Variants in SLC7A13 observed in about 807,000 individuals in gnomAD.
The protein encoded by SLC7A13 is solute carrier family 7 member 13, also known as X-amino acid transporter 2.
A neutral mutation model predicts 32.0 loss-of-function variants in SLC7A13; 31 were observed. The ratio of observed to expected loss-of-function variants is 0.97; its 90% CI spans 0.73 to 1.31. The LOEUF is 1.31. Ranked by LOEUF, SLC7A13 falls within the 50% of genes most tolerant of loss-of-function variation. The pLI is 0.00. For synonymous variants in SLC7A13, 232 were observed against 206.9 expected (o/e 1.12, Z -1.04); for missense variants, 633 against 546.9 (o/e 1.16, Z -1.57).
intron 3 of SLC7A13, 133 bp downstream of exon 3, chr8:86,217,337 A>C: frequency 1.2e-6 from 1 of 838,520 alleles, no homozygotes; most frequent in Non-Finnish European, 1.7e-6. Context: ...CCAAGACTAG[A>C]TTATTCTCAT....
In SLC7A13 at chr8:86,217,539, C is replaced by T; in HGVS notation, c.1110G>A (p.Trp370Ter). 1.2e-6 allele frequency: 2 copies of T among 1,610,670 alleles called. No individual in the cohort carries two copies. The highest frequency in any genetic ancestry group is 1.7e-6 in the Non-Finnish European group (2 of 1,178,060). Residue 370 changes from tryptophan (W) to a stop codon, truncating the protein, a stop_gained, in exon 3 of 4, where the codon TGG (tryptophan) becomes TGA (stop). Coordinates refer to ENST00000297524, the MANE Select transcript of SLC7A13 (RefSeq NM_138817.3). LOFTEE classifies it high-confidence loss of function. ...GTATTCCTATCATTAATAATATAGA[C>T]CATAATGAACCCGTGAAAAAAATAT... ...INYIFFTGSL[W>*]SILLMIGILR...
intron 3 of SLC7A13, among the ~76,000 whole-genome samples, chr8:86,216,808 G>A (rs1820188682): frequency 6.6e-6 from 1 of 152,108 alleles, no homozygotes; most frequent in Non-Finnish European, 1.5e-5. Context: ...TTATTACTAA[G>A]AGGATTAAAG....
intron 1 of SLC7A13, among the ~76,000 whole-genome samples, chr8:86,228,168 C>A (rs1022371815): frequency 6.6e-5 from 10 of 152,122 alleles, no homozygotes; most frequent in Admixed American, 5.9e-4. Context: ...CTGAGTGAAC[C>A]AAGAAGATGC....
intron 2 of SLC7A13, among the ~76,000 whole-genome samples, chr8:86,221,179 A>G (rs1820289840): frequency 6.6e-6 from 1 of 152,008 alleles, no homozygotes; most frequent in Non-Finnish European, 1.5e-5. Context: ...ATACATCCTG[A>G]CTTTTTCCTC....
intron 2 of SLC7A13, among the ~76,000 whole-genome samples, chr8:86,218,497 G>A (rs1820233125): frequency 6.6e-6 from 1 of 152,128 alleles, no homozygotes; most frequent in Non-Finnish European, 1.5e-5. Context: ...TTACAACCGG[G>A]GAGGTAGGAG....
At chr8:86,221,175 C>T (rs1256772211) in intron 2 of SLC7A13, among the ~76,000 whole-genome samples, 11 of 151,984 alleles carry the variant, frequency 7.2e-5, no homozygotes, top group Non-Finnish European at 4.4e-5. Context: ...TTATATACAT[C>T]CTGACTTTTT....
intron 1 of SLC7A13, among the ~76,000 whole-genome samples, chr8:86,228,175 A>T (rs1820420688): frequency 6.6e-6 from 1 of 152,164 alleles, no homozygotes; most frequent in Non-Finnish European, 1.5e-5. Flanking sequence ...AACCAAGAAG[A>T]TGCTGTTCCA....
intron 2 of SLC7A13, among the ~76,000 whole-genome samples, chr8:86,220,746 G>A (rs995549441): frequency 6.6e-6 from 1 of 152,038 alleles, no homozygotes; most frequent in African/African-American, 2.4e-5. Flanking sequence ...GCTCACGTCT[G>A]TAACCCCAGC....
Position 86,214,408 on chromosome 8 carries a change from G to A in SLC7A13, c.*5C>T, listed in dbSNP as rs781626269. ...CAATTTTTTAAGAGTTTGCACTTCC[G>A]ACATCTATTCCTCAGACACATCAGG... On this transcript the variant is annotated 3_prime_UTR_variant, in exon 4 of 4. Transcript: ENST00000297524. 43 of 1,148,856 alleles carry A rather than the reference G, an allele frequency of 3.7e-5. No individual in the cohort carries two copies. Among genetic ancestry groups the A allele is most frequent in the Admixed American group, 5.7e-5 (2 of 35,280 alleles). 71.2% of individuals were successfully genotyped at this position (1,148,856 alleles called of 1,614,324 possible).
chr8:86,217,887 A>G, intron 2 of SLC7A13, 56 bp from the exon 3 acceptor site: 1 of 1,459,640 alleles, frequency 6.9e-7, no homozygotes, highest in Non-Finnish European at 9.1e-7. Context: ...AATACTAATG[A>G]TAAACCTTTT....
rs1820449647 is a variant in SLC7A13, at chr8:86,229,727, C to G, written c.551G>C (p.Arg184Thr). Reference protein sequence around the residue: ...ISLTGVVFLIRGKKENVERFQ... With the variant: ...ISLTGVVFLITGKKENVERFQ... ...TCGTTCTACATTCTCCTTTTTCCCTCTTATCAGGAACACTACTCCAGTTAG... is the reference window on the plus strand; with the variant it reads ...TCGTTCTACATTCTCCTTTTTCCCTGTTATCAGGAACACTACTCCAGTTAG... Residue 184 changes from arginine (R) to threonine (T), a missense_variant, in exon 1 of 4, where the codon AGA (arginine) becomes ACA (threonine). Coordinates refer to ENST00000297524, the MANE Select transcript of SLC7A13 (RefSeq NM_138817.3). The G allele has an allele frequency of 6.2e-7, 1 of 1,614,028 alleles. No homozygotes were observed. Among genetic ancestry groups the G allele is most frequent in the Non-Finnish European group, 8.5e-7 (1 of 1,180,022 alleles).
At chr8:86,229,517 TACA>T (rs1820444931) in intron 1 of SLC7A13, 73 bp downstream of exon 1, 2 of 1,274,620 alleles carry the variant, frequency 1.6e-6, no homozygotes, top group East Asian at 4.7e-5. Flanking sequence ...AGACTCAAAA[TACA>T]ACAAATGATA....
chr8:86,217,382 C>T (rs1243153343), intron 3 of SLC7A13, 88 bp downstream of exon 3: 4 of 1,192,458 alleles, frequency 3.4e-6, no homozygotes, highest in Non-Finnish European at 4.5e-6. Flanking sequence ...AGAAGATCTA[C>T]TTATAGATGC....
chr8:86,222,847 GA>G, intron 2 of SLC7A13, 124 bp downstream of exon 2: 5 of 990,310 alleles, frequency 5.0e-6, no homozygotes, highest in Non-Finnish European at 6.9e-6. Context: ...TGTTATTTTA[GA>G]AAATTATAAG....
At chr8:86,228,683 CA>C (rs1403829877) in intron 1 of SLC7A13, among the ~76,000 whole-genome samples, 9 of 151,864 alleles carry the variant, frequency 5.9e-5, no homozygotes, top group Non-Finnish European at 1.3e-4. Flanking sequence ...CTGTCTCTAC[CA>C]AAAATGCAAA....
chr8:86,224,790 A>G (rs1349568690), intron 1 of SLC7A13, among the ~76,000 whole-genome samples: 1 of 152,246 alleles, frequency 6.6e-6, no homozygotes, highest in African/African-American at 2.4e-5. Context: ...CAAGAATTTG[A>G]AACAAAGTTC....
intron 3 of SLC7A13, among the ~76,000 whole-genome samples, chr8:86,215,863 C>T (rs887990266): frequency 6.6e-6 from 1 of 152,086 alleles, no homozygotes; most frequent in Non-Finnish European, 1.5e-5. Flanking sequence ...TTAAGGCTGC[C>T]CTTGCCTTCC....
intron 1 of SLC7A13, among the ~76,000 whole-genome samples, chr8:86,228,443 T>C (rs982221849): frequency 6.6e-6 from 1 of 152,150 alleles, no homozygotes; most frequent in African/African-American, 2.4e-5. Flanking sequence ...GGTGCAATCA[T>C]AGCTTACTGC....
At chr8:86,222,740 A>G (rs1820320828) in intron 2 of SLC7A13, among the ~76,000 whole-genome samples, 1 of 152,210 alleles carries the variant, frequency 6.6e-6, no homozygotes, top group Admixed American at 6.6e-5. Context: ...TACACCATAC[A>G]TCAACATTAT....
Sources: allele counts gnomAD v4.1 joint callset (sites outside exome capture counted in the v4.1 genomes callset), GRCh38; gene constraint gnomAD v4.1.1; transcripts MANE v1.5; gene names NCBI Gene and HGNC (gene_info 2026-07-23, HGNC 2026-07-21).